Variants in ANKRD30A observed in about 807,000 individuals in gnomAD.
ANKRD30A encodes the protein ankyrin repeat domain-containing protein 30A.
ANKRD30A carries 170 observed loss-of-function variants against 166.3 expected under a neutral mutation model. The ratio of observed to expected loss-of-function variants is 1.02; its 90% CI spans 0.90 to 1.16. The LOEUF (loss-of-function observed/expected upper bound fraction) is 1.16, where lower values mean the gene tolerates loss of function less well. Ranked by LOEUF, ANKRD30A falls within the 50% of genes most tolerant of loss-of-function variation. The pLI, the probability that ANKRD30A is intolerant of heterozygous loss-of-function variation, is 0.00. For missense variants in ANKRD30A, 1,630 were observed against 1,518.0 expected (o/e 1.07, Z -1.23); for synonymous variants, 564 against 508.9 (o/e 1.11, Z -1.46).
Position 37,149,652 on chromosome 10 carries a change from G to T in ANKRD30A, c.1545G>T (p.Glu515Asp), listed in dbSNP as rs775044197. 6.2e-7 allele frequency: 1 copy of T among 1,611,730 alleles called. No individual in the cohort carries two copies. Among genetic ancestry groups the T allele is most frequent in the South Asian group, 1.1e-5 (1 of 90,862 alleles). Residue 515 changes from glutamate (E) to aspartate (D), a missense_variant and splice_region_variant, in exon 10 of 36, where the codon GAG becomes GAT. Glu to Asp is a conservative substitution (Grantham distance 45). This residue lies in a region of ANKRD30A where 904 missense variants were observed against 818.5 expected (regional missense o/e 1.10). Transcript: ENST00000361713. ...KVMEINREVE[E>D]PPKKPSAFKP... ...TGATAAATCTCTTTTGCTTTTTAGA[G>T]CCTCCTAAGAAGCCATCTGCCTTCA...
intron 31 of ANKRD30A, among the ~76,000 whole-genome samples, chr10:37,206,750 C>G (rs1260135537): frequency 6.6e-6 from 1 of 152,054 alleles, no homozygotes; most frequent in Non-Finnish European, 1.5e-5. Context: ...GCTGAGATTG[C>G]TCCACTGCAC....
downstream of ANKRD30A, among the ~76,000 whole-genome samples, chr10:37,233,195 T>C (rs1843531817): frequency 6.6e-6 from 1 of 152,146 alleles, no homozygotes; most frequent in South Asian, 2.1e-4. Flanking sequence ...ATTAAATGAT[T>C]GTTTTAATAC....
intron 27 of ANKRD30A, among the ~76,000 whole-genome samples, chr10:37,196,471 A>G (rs1270059918): frequency 4.6e-5 from 7 of 152,210 alleles, no homozygotes; most frequent in Non-Finnish European, 8.8e-5. Flanking sequence ...AATTTATTAT[A>G]GACTAATGAT....
intron 34 of ANKRD30A, among the ~76,000 whole-genome samples, chr10:37,224,419 G>A (rs1843036768): frequency 6.7e-6 from 1 of 150,060 alleles, no homozygotes; most frequent in Admixed American, 6.7e-5. Context: ...ATGCATATGT[G>A]AGCTACATAT....
chr10:37,248,538 C>A, the ANKRD30A span, among the ~76,000 whole-genome samples: 2 of 152,132 alleles, frequency 1.3e-5, no homozygotes, highest in Non-Finnish European at 1.5e-5. Context: ...GGTCCAAGTT[C>A]AAGATCCGCT....
rs1231603368 is a variant in ANKRD30A at position 37,219,809 on chromosome 10, TAA to T, written c.4100_4101del (p.Lys1367ArgfsTer4). 1 of 1,602,592 alleles carries T rather than the reference TAA, an allele frequency of 6.2e-7. No individual in the cohort carries two copies. Among genetic ancestry groups the T allele is most frequent in the Non-Finnish European group, 8.5e-7 (1 of 1,173,772 alleles). On this transcript the variant is annotated frameshift_variant, in exon 34 of 36. Transcript: ENST00000361713. LOFTEE classifies it high-confidence loss of function. The stretch of plus-strand genomic sequence containing the variant: ...GAGAGGAAAATGCAACATCATCTCC[TAA>T]AAGAGAAAAATGAGGAGATATTTAA...
intron 34 of ANKRD30A, among the ~76,000 whole-genome samples, chr10:37,228,297 G>A (rs984223686): frequency 5.9e-5 from 9 of 151,844 alleles, no homozygotes; most frequent in Non-Finnish European, 1.5e-5. Flanking sequence ...AAGATTAAAT[G>A]GTTAACTTCT....
Position 37,219,664 on chromosome 10 carries a change from TC to T in ANKRD30A, c.3953del (p.Ser1318PhefsTer2). 4 of 1,608,288 alleles carry T rather than the reference TC, an allele frequency of 2.5e-6. No individual in the cohort carries two copies. Among genetic ancestry groups the T allele is most frequent in the Non-Finnish European group, 3.4e-6 (4 of 1,176,862 alleles). On this transcript the variant is annotated frameshift_variant, in exon 34 of 36. Transcript: ENST00000361713. LOFTEE classifies it high-confidence loss of function. ...NVNKHTEQQESLDQKLFQLQS... is the reference protein window; with the variant it reads ...NVNKHTEQQEXLDQKLFQLQS... ...GAACAAACACACTGAACAGCAGGAG[TC>T]TCTAGATCAGAAATTATTTCAACTA... is the stretch of plus-strand genomic sequence containing the variant.
chr10:37,201,926 C>T (rs1415974419), intron 31 of ANKRD30A, among the ~76,000 whole-genome samples: 3 of 151,998 alleles, frequency 2.0e-5, no homozygotes, highest in African/African-American at 4.8e-5. Context: ...ATATACACTC[C>T]GTATAGACCA....
chr10:37,159,299 T>C (rs1239372638), intron 15 of ANKRD30A, among the ~76,000 whole-genome samples: 1 of 152,018 alleles, frequency 6.6e-6, no homozygotes. Context: ...GGCAGATAAG[T>C]TAAGGTCAGG....
intron 15 of ANKRD30A, among the ~76,000 whole-genome samples, chr10:37,160,788 T>C (rs1356308673): frequency 6.6e-5 from 10 of 152,184 alleles, no homozygotes; most frequent in Non-Finnish European, 1.5e-4. Context: ...ATTTCTCATA[T>C]AAATTGTGAA....
Position 37,193,534 on chromosome 10 carries a change from G to A in ANKRD30A, c.2614+276G>A, listed in dbSNP as rs1166891463. Among the ~76,000 whole-genome samples, 4 of 152,080 alleles carry A rather than the reference G, an allele frequency of 2.6e-5. No individual in the cohort carries two copies. The East Asian group carries it at 7.7e-4, about 29-fold the overall frequency. ...CAATTTGCAATTTCTGTACGCGCTTGGTTTTAAGGTAGGTGAATTTTGAGA... is the reference window on the plus strand; with the variant it reads ...CAATTTGCAATTTCTGTACGCGCTTAGTTTTAAGGTAGGTGAATTTTGAGA... On this transcript the variant is annotated intron_variant, in intron 27 of 35. Coordinates refer to ENST00000361713, the MANE Select transcript of ANKRD30A (RefSeq NM_052997.3).
At position 37,136,608 on chromosome 10, in the gene ANKRD30A, A is replaced by G. The variant is rs1377623423; in HGVS notation, c.757A>G (p.Ile253Val). Reference sequence around the variant, plus strand: ...TATTTATCACATTTTTATACATAGCATTCATGAACAAATTATGGAATATAT... The same window carrying G: ...TATTTATCACATTTTTATACATAGCGTTCATGAACAAATTATGGAATATAT... ...HYAVTCGFHH[I>V]HEQIMEYIRK... Residue 253 changes from isoleucine to valine, a missense_variant and splice_region_variant, in exon 6 of 36, where the codon ATT (isoleucine) becomes GTT (valine). By Grantham distance (29) the Ile-to-Val change is conservative (BLOSUM62 3). Transcript: ENST00000361713. 3.0e-6 allele frequency: 4 copies of G among 1,320,402 alleles called. No homozygotes were observed. The African/African-American group carries it at 4.5e-5, about 15-fold the overall frequency. The allele number at this position is 1,320,402 out of a possible 1,614,324, so 81.8% of individuals were successfully genotyped here. A position where few individuals can be genotyped will look rare whatever the true frequency, so the allele number is the denominator to read the frequency against.
At chr10:37,139,432 C>A (rs1836949589) in intron 6 of ANKRD30A, among the ~76,000 whole-genome samples, 1 of 152,176 alleles carries the variant, frequency 6.6e-6, no homozygotes, top group East Asian at 1.9e-4. Flanking sequence ...ACCTGGTCAT[C>A]CCCACCCTGG....
chr10:37,261,508 A>T, the ANKRD30A span, among the ~76,000 whole-genome samples: 2 of 152,224 alleles, frequency 1.3e-5, no homozygotes, highest in East Asian at 3.8e-4. Context: ...GAACACTTGA[A>T]AAAAGGTTCA....
chr10:37,154,643 G>A lies in ANKRD30A; in HGVS notation c.1798+981G>A, dbSNP rs192160246. The stretch of plus-strand genomic sequence containing the variant: ...AATTTTCACAGGTGTTGAATGGGAA[G>A]AACCAAGAGCACAAGTCTAGAGATT... On this transcript the variant is annotated intron_variant, in intron 13 of 35. Coordinates refer to ENST00000361713, the MANE Select transcript of ANKRD30A (RefSeq NM_052997.3). Among the ~76,000 whole-genome samples the A allele has an allele frequency of 6.0e-3, 916 of 152,232 alleles. 3 individuals carry two copies. The highest frequency in any genetic ancestry group is 9.8e-3 in the Non-Finnish European group (668 of 68,000).
chr10:37,134,978 G>A (rs1488055613), intron 5 of ANKRD30A, among the ~76,000 whole-genome samples: 5 of 152,104 alleles, frequency 3.3e-5, no homozygotes, highest in East Asian at 1.9e-4. Flanking sequence ...ATCTTATTCC[G>A]TAAGATCCCT....
chr10:37,162,296 C>A (rs1386714164), intron 15 of ANKRD30A, among the ~76,000 whole-genome samples: 1 of 152,088 alleles, frequency 6.6e-6, no homozygotes, highest in Non-Finnish European at 1.5e-5. Context: ...TATTAAAGAA[C>A]AGGATGAATG....
chr10:37,128,609 T>C (rs1483818231), intron 1 of ANKRD30A, among the ~76,000 whole-genome samples: 1 of 152,128 alleles, frequency 6.6e-6, no homozygotes, highest in Non-Finnish European at 1.5e-5. Context: ...TTTTAAGATA[T>C]TGAACTTCTC....
Sources: allele counts gnomAD v4.1 joint callset (sites outside exome capture counted in the v4.1 genomes callset), GRCh38; gene constraint gnomAD v4.1.1; regional missense constraint gnomAD v4.1.1; transcripts MANE v1.5; gene names NCBI Gene and HGNC (gene_info 2026-07-23, HGNC 2026-07-21).